The following SOBP variants were observed in gnomAD, a reference collection of about 807,000 sequenced individuals.
SOBP encodes sine oculis binding protein homolog.
A neutral mutation model predicts 53.6 loss-of-function variants in SOBP; 4 were observed. The observed-to-expected ratio is 0.07, with a 90% CI of 0.04 to 0.17. The LOEUF (loss-of-function observed/expected upper bound fraction) is 0.17. SOBP is among the 10% of genes least tolerant of loss of function. SOBP has a pLI of 1.00. For synonymous variants in SOBP, 584 were observed against 522.6 expected (o/e 1.12, Z -1.60); for missense variants, 1,088 against 1,204.7 (o/e 0.90, Z 1.43).
intron 1 of SOBP, 52 bp downstream of exon 1, chr6:107,490,764 T>C (rs759273483): frequency 1.4e-6 from 2 of 1,382,910 alleles, no homozygotes; most frequent in South Asian, 1.2e-5. Flanking sequence ...TTGCGCCCGC[T>C]CCCCGTGGGC....
chr6:107,571,450 C>G (rs1360519876), intron 4 of SOBP, among the ~76,000 whole-genome samples: 2 of 152,190 alleles, frequency 1.3e-5, no homozygotes, highest in Non-Finnish European at 2.9e-5. Flanking sequence ...TGGAGAGCAT[C>G]CTTGGCTGAG....
chr6:107,596,796 A>G (rs139660673), intron 5 of SOBP, among the ~76,000 whole-genome samples: 1,556 of 152,340 alleles, frequency 0.01, 14 homozygotes, highest in Middle Eastern at 0.048. Flanking sequence ...AGGATAAAGT[A>G]TGTTTCTATA....
chr6:107,498,710 A>G (rs1782759843), intron 1 of SOBP, among the ~76,000 whole-genome samples: 1 of 152,236 alleles, frequency 6.6e-6, no homozygotes, highest in African/African-American at 2.4e-5. Flanking sequence ...CTGGTATAGG[A>G]AGAACTCAGG....
chr6:107,634,741 C>A lies in SOBP; in HGVS notation c.1897C>A (p.Pro633Thr), dbSNP rs772635341. The A allele has an allele frequency of 1.5e-6, 2 of 1,335,126 alleles. No individual in the cohort carries two copies. The highest frequency in any genetic ancestry group is 2.0e-5 in the South Asian group (1 of 49,702). The allele number at this position is 1,335,126 out of a possible 1,614,324, so 82.7% of individuals were successfully genotyped here. ...GCGGCGCGCCGGCAGCCCCCCGGGCCCCCCGGGCGCGGGCGGCCAGCTCGG... is the reference window on the plus strand; with the variant it reads ...GCGGCGCGCCGGCAGCCCCCCGGGCACCCCGGGCGCGGGCGGCCAGCTCGG... ...LTRRAGSPPG[P>T]PGAGGQLGFP... The change falls in exon 6 of 7, where the codon CCC (proline) becomes ACC (threonine). Residue 633 changes from proline to threonine, a missense_variant. Transcript: ENST00000317357. The surrounding 1 kb of genome is among the most constrained non-coding windows in gnomAD (Gnocchi z 4.5).
At chr6:107,552,700 A>G (rs1371376388) in intron 4 of SOBP, among the ~76,000 whole-genome samples, 1 of 152,216 alleles carries the variant, frequency 6.6e-6, no homozygotes, top group Admixed American at 6.5e-5. Context: ...ATTGGCCAAC[A>G]TCAGGGGAGT....
intron 4 of SOBP, among the ~76,000 whole-genome samples, chr6:107,536,414 T>A (rs569130163): frequency 1.3e-5 from 2 of 152,300 alleles, no homozygotes; most frequent in African/African-American, 2.4e-5. Flanking sequence ...CACGCTTGGG[T>A]GTAGAGTCAG....
At position 107,633,627 on chromosome 6, in the gene SOBP, C is replaced by T; in HGVS notation, c.783C>T (p.Asp261=). 6.2e-7 allele frequency: 1 copy of T among 1,614,262 alleles called. No individual in the cohort carries two copies. The highest frequency in any genetic ancestry group is 8.5e-7 in the Non-Finnish European group (1 of 1,180,048). Residue 261 remains aspartate, a synonymous_variant, in exon 6 of 7, where the codon GAC becomes GAT. Coordinates refer to ENST00000317357, the MANE Select transcript of SOBP (RefSeq NM_018013.4). ...AATGTCTCAATCAATACAAAATGGA[C>T]ATTTTCTACAAAGAGACCCAGGCCA... ...SAKCLNQYKM[D]IFYKETQANL...
chr6:107,553,298 T>TTTA (rs1554294430), intron 4 of SOBP, among the ~76,000 whole-genome samples: 24 of 139,428 alleles, frequency 1.7e-4, no homozygotes, highest in Non-Finnish European at 3.1e-4. Flanking sequence ...CTTATTATTA[T>TTTA]TTTATTTATT....
intron 5 of SOBP, among the ~76,000 whole-genome samples, chr6:107,633,102 A>C (rs1733854398): frequency 6.6e-6 from 1 of 152,222 alleles, no homozygotes; most frequent in Non-Finnish European, 1.5e-5. Flanking sequence ...TGTAAGGGGT[A>C]ATATTTCAAG....
At chr6:107,550,777 T>C (rs953553822) in intron 4 of SOBP, among the ~76,000 whole-genome samples, 10 of 152,208 alleles carry the variant, frequency 6.6e-5, no homozygotes, top group African/African-American at 2.4e-4. Flanking sequence ...GCGCCACATG[T>C]CACACATTAA....
intron 5 of SOBP, among the ~76,000 whole-genome samples, chr6:107,623,733 A>G (rs1174162497): frequency 6.6e-6 from 1 of 152,216 alleles, no homozygotes; most frequent in Non-Finnish European, 1.5e-5. Context: ...TTGATGGCTT[A>G]CCCTCAAAAG....
intron 5 of SOBP, among the ~76,000 whole-genome samples, chr6:107,624,456 T>C (rs1381751498): frequency 2.0e-5 from 3 of 152,154 alleles, no homozygotes; most frequent in Non-Finnish European, 4.4e-5. Flanking sequence ...ATATGATGAC[T>C]CCTTTTAATT....
chr6:107,502,213 A>T (rs975785039), intron 1 of SOBP, among the ~76,000 whole-genome samples: 2 of 152,120 alleles, frequency 1.3e-5, no homozygotes, highest in Admixed American at 6.5e-5. Context: ...GATTGTGCAC[A>T]CTCTGGCTTA....
chr6:107,624,342 G>C (rs1770361694), intron 5 of SOBP, among the ~76,000 whole-genome samples: 1 of 152,192 alleles, frequency 6.6e-6, no homozygotes, highest in Non-Finnish European at 1.5e-5. Flanking sequence ...GGTCTCACTA[G>C]CATGTCCCTA....
chr6:107,643,938 T>C (rs974896419), intron 6 of SOBP, among the ~76,000 whole-genome samples: 1 of 152,232 alleles, frequency 6.6e-6, no homozygotes, highest in Non-Finnish European at 1.5e-5. Context: ...TAAACAAGAT[T>C]GGTTGTCTGT....
chr6:107,648,681 G>A (rs1284966301), intron 6 of SOBP, among the ~76,000 whole-genome samples: 1 of 152,142 alleles, frequency 6.6e-6, no homozygotes, highest in African/African-American at 2.4e-5. Context: ...TGGAACATAG[G>A]CTAGGGGTCA....
rs1250277393 is a variant in SOBP, at chr6:107,612,757, T to G, written c.670-20757T>G. ...TATTAAGCAATAATTCCTCACTCCC[T>G]CCAATCCCCAGCCCCAGATAACCTC... is the stretch of plus-strand genomic sequence containing the variant. On this transcript the variant is annotated intron_variant, in intron 5 of 6. Coordinates refer to ENST00000317357, the MANE Select transcript of SOBP (RefSeq NM_018013.4). Among the ~76,000 whole-genome samples, 3 of 152,136 alleles carry G rather than the reference T, an allele frequency of 2.0e-5. No individual in the cohort carries two copies. In the East Asian group the frequency reaches 5.8e-4, roughly 29 times the overall value.
intron 5 of SOBP, among the ~76,000 whole-genome samples, chr6:107,611,949 T>C (rs946832552): frequency 1.3e-5 from 2 of 152,214 alleles, no homozygotes; most frequent in African/African-American, 4.8e-5. Context: ...ATGAGACATA[T>C]GCATTACATC....
At chr6:107,570,680 C>A (rs1373899518) in intron 4 of SOBP, among the ~76,000 whole-genome samples, 2 of 152,210 alleles carry the variant, frequency 1.3e-5, no homozygotes, top group African/African-American at 4.8e-5. Context: ...CTTTCAGCCA[C>A]CAGTCTGGGA....
Sources: allele counts gnomAD v4.1 joint callset (sites outside exome capture counted in the v4.1 genomes callset), GRCh38; gene constraint gnomAD v4.1.1; non-coding constraint Gnocchi (gnomAD v3.1); transcripts MANE v1.5; gene names NCBI Gene and HGNC (gene_info 2026-07-23, HGNC 2026-07-21).